METTL15: variants seen among roughly 807,000 people sequenced by gnomAD.
METTL15 encodes the protein methyltransferase 15, mitochondrial 12S rRNA N4-cytidine.
METTL15 carries 34 observed loss-of-function variants against 38.3 expected under a neutral mutation model. That is an observed-to-expected ratio of 0.89 (90% CI 0.68 to 1.18). The LOEUF (loss-of-function observed/expected upper bound fraction) is 1.18. Ranked by LOEUF, METTL15 falls within the 50% of genes most tolerant of loss-of-function variation. METTL15 has a pLI of 0.00. For missense variants in METTL15, 438 were observed against 498.4 expected (o/e 0.88, Z 1.15); for synonymous variants, 162 against 170.9 (o/e 0.95, Z 0.41).
intron 1 of METTL15, among the ~76,000 whole-genome samples, chr11:28,109,929 G>A (rs891389391): frequency 3.9e-5 from 6 of 152,182 alleles, no homozygotes; most frequent in African/African-American, 1.4e-4. Context: ...CTTGCTCCTT[G>A]TAGTTTCTAA....
At chr11:28,312,110 G>A (rs564717996) in intron 6 of METTL15, among the ~76,000 whole-genome samples, 1 of 152,082 alleles carries the variant, frequency 6.6e-6, no homozygotes, top group Non-Finnish European at 1.5e-5. Context: ...TAGGATAGGC[G>A]GCCAACTCAT....
intron 6 of METTL15, among the ~76,000 whole-genome samples, chr11:28,451,517 G>A (rs983083161): frequency 1.3e-5 from 2 of 151,896 alleles, no homozygotes; most frequent in Non-Finnish European, 1.5e-5. Flanking sequence ...CCCAGGAGGC[G>A]GAGCTTGCAG....
chr11:28,432,833 G>A (rs573750607), intron 6 of METTL15, among the ~76,000 whole-genome samples: 1 of 152,194 alleles, frequency 6.6e-6, no homozygotes, highest in South Asian at 2.1e-4. Flanking sequence ...ATGTTTTATA[G>A]CATGTCCTTG....
At chr11:28,454,781 A>G (rs1285187406) in intron 6 of METTL15, among the ~76,000 whole-genome samples, 3 of 152,208 alleles carry the variant, frequency 2.0e-5, no homozygotes, top group African/African-American at 7.2e-5. Flanking sequence ...TAAATTAGCC[A>G]TATATGGAAA....
chr11:28,462,528 T>C (rs1197817979), intron 6 of METTL15, among the ~76,000 whole-genome samples: 1 of 151,032 alleles, frequency 6.6e-6, no homozygotes, highest in Non-Finnish European at 1.5e-5. Flanking sequence ...ACAGAATTTA[T>C]TGTAAGAACT....
chr11:28,228,708 A>G (rs896232043), intron 4 of METTL15, among the ~76,000 whole-genome samples: 3 of 151,966 alleles, frequency 2.0e-5, no homozygotes, highest in African/African-American at 7.2e-5. Context: ...CTATTTGACT[A>G]CATTCCACAT....
chr11:28,425,385 A>T (rs1850854958), intron 6 of METTL15, among the ~76,000 whole-genome samples: 1 of 152,194 alleles, frequency 6.6e-6, no homozygotes. Flanking sequence ...CATAATCATA[A>T]TCAGGCCTCT....
chr11:28,367,491 T>C (rs1002262230), intron 5 of METTL15, among the ~76,000 whole-genome samples: 11 of 151,964 alleles, frequency 7.2e-5, no homozygotes, highest in African/African-American at 2.7e-4. Context: ...GAAATAAGGA[T>C]ACAAACAAAT....
chr11:28,386,748 C>G (rs1850445278), intron 5 of METTL15, among the ~76,000 whole-genome samples: 1 of 151,920 alleles, frequency 6.6e-6, no homozygotes, highest in Non-Finnish European at 1.5e-5. Context: ...TACCCAATAG[C>G]AACACATTGT....
intron 6 of METTL15, among the ~76,000 whole-genome samples, chr11:28,308,543 TTATG>T (rs1266087380): frequency 6.6e-5 from 10 of 152,272 alleles, no homozygotes; most frequent in Admixed American, 3.9e-4. Context: ...TTGTAATTGT[TTATG>T]TAGTGCTTCA....
chr11:28,216,980 G>A (rs1002474965), intron 4 of METTL15, among the ~76,000 whole-genome samples: 1 of 151,848 alleles, frequency 6.6e-6, no homozygotes, highest in Non-Finnish European at 1.5e-5. Context: ...ATTTGGGTTG[G>A]TTCCAAGTCT....
At chr11:28,339,614 A>T (rs938223435) in intron 3 of METTL15, among the ~76,000 whole-genome samples, 1 of 151,984 alleles carries the variant, frequency 6.6e-6, no homozygotes, top group Admixed American at 6.6e-5. Flanking sequence ...CCAAAAAGAG[A>T]GATGACCAAA....
At chr11:28,516,071 T>A (rs1162502846) in intron 6 of METTL15, among the ~76,000 whole-genome samples, 1 of 152,232 alleles carries the variant, frequency 6.6e-6, no homozygotes, top group Non-Finnish European at 1.5e-5. Context: ...CATGTTGGGT[T>A]ATTACAAAGA....
intron 3 of METTL15, among the ~76,000 whole-genome samples, chr11:28,181,259 A>ATTTTTTTTTT (rs71449171): frequency 1.3e-4 from 17 of 133,796 alleles, no homozygotes; most frequent in African/African-American, 3.8e-4. Context: ...TTAATTTTTA[A>ATTTTTTTTTT]TTTTTTTTTT....
chr11:28,440,171 G>C (rs115717469), intron 6 of METTL15, among the ~76,000 whole-genome samples: 2,826 of 152,038 alleles, frequency 0.019, 80 homozygotes, highest in African/African-American at 0.064. Flanking sequence ...GTATCTTCTT[G>C]CATGCCCAAT....
intron 4 of METTL15, among the ~76,000 whole-genome samples, chr11:28,240,231 A>G (rs1256880142): frequency 1.3e-5 from 2 of 152,220 alleles, no homozygotes; most frequent in African/African-American, 4.8e-5. Flanking sequence ...TCATTCGTTC[A>G]TTCAGCTGTT....
chr11:28,313,653 G>A (rs760435783), intron 6 of METTL15, among the ~76,000 whole-genome samples: 9 of 151,724 alleles, frequency 5.9e-5, no homozygotes, highest in East Asian at 3.9e-4. Context: ...TTGTGTTGGA[G>A]TGATTGGATG....
At chr11:28,309,579 C>T (rs972744948) in intron 6 of METTL15, among the ~76,000 whole-genome samples, 2 of 152,138 alleles carry the variant, frequency 1.3e-5, no homozygotes, top group African/African-American at 4.8e-5. Context: ...TTTTTATCAC[C>T]ATCCTCTAGC....
chr11:28,526,490 A>C (rs1214548022), exon 7 of METTL15: 1 of 152,246 alleles, frequency 6.6e-6, no homozygotes, highest in Non-Finnish European at 1.5e-5. Flanking sequence ...TGAATATGTC[A>C]TCCCACTGCC....
Sources: allele counts gnomAD v4.1 joint callset (sites outside exome capture counted in the v4.1 genomes callset), GRCh38; gene constraint gnomAD v4.1.1; transcripts MANE v1.5; gene names NCBI Gene and HGNC (gene_info 2026-07-23, HGNC 2026-07-21).